Variants in AGTPBP1 observed in about 807,000 individuals in gnomAD.
AGTPBP1 encodes the protein cytosolic carboxypeptidase 1.
A neutral mutation model predicts 143.9 loss-of-function variants in AGTPBP1; 70 were observed. The ratio of observed to expected loss-of-function variants is 0.49; its 90% CI spans 0.40 to 0.59. The LOEUF (loss-of-function observed/expected upper bound fraction) is 0.59, where lower values mean the gene tolerates loss of function less well. Among genes scored for constraint, AGTPBP1 ranks in the 20% least tolerant of loss-of-function variants. AGTPBP1 has a pLI of 0.00. For missense variants in AGTPBP1, 1,229 were observed against 1,464.5 expected, an observed-to-expected ratio of 0.84 and a Z score of 2.62; for synonymous variants, 463 against 500.2, an observed-to-expected ratio of 0.93 and a Z score of 0.99.
At chr9:85,773,868 C>G in the AGTPBP1 span, 5 of 1,605,316 alleles carry the variant, frequency 3.1e-6, no homozygotes, top group Non-Finnish European at 4.2e-6. Flanking sequence ...TGAACGGAAA[C>G]AACAATTATA....
chr9:85,618,994 T>C lies in AGTPBP1; in HGVS notation c.2324A>G (p.Gln775Arg). 1 of 1,612,216 alleles carries C rather than the reference T, an allele frequency of 6.2e-7. No homozygotes were observed. The highest frequency in any genetic ancestry group is 8.5e-7 in the Non-Finnish European group (1 of 1,179,394). ...GAAAACTGTCTTACCATAATTAAACTGACTGTTGGACTTTTCACAGTTAAT... is the reference window on the plus strand; with the variant it reads ...GAAAACTGTCTTACCATAATTAAACCGACTGTTGGACTTTTCACAGTTAAT... The part of the protein sequence containing the change: ...NIINCEKSNS[Q>R]FNYGMQPLMY... The change falls in exon 17 of 26, where the codon CAG (glutamine) becomes CGG (arginine). Residue 775 changes from glutamine (Q) to arginine (R), a missense_variant. Physicochemically the swap from Gln to Arg is conservative, Grantham distance 43 (BLOSUM62 1). Coordinates refer to ENST00000357081, the MANE Select transcript of AGTPBP1 (RefSeq NM_001330701.2).
rs1400487508 is a variant in AGTPBP1, at chr9:85,692,632, T to TCCA, written c.157+54_157+56dup. ...ATTAGAAGTTTGAACATTTTTAGCA[T>TCCA]CCACTTTTAAAGAATTAAAAAAGCA... On this transcript the variant is annotated intron_variant, in intron 3 of 25. Coordinates refer to ENST00000357081, the MANE Select transcript of AGTPBP1 (RefSeq NM_001330701.2). 5.7e-5 allele frequency: 90 copies of TCCA among 1,571,322 alleles called. 2 individuals carry two copies. The South Asian group carries it at 7.5e-4, about 13-fold the overall frequency.
the AGTPBP1 span, among the ~76,000 whole-genome samples, chr9:85,778,908 C>T: frequency 6.6e-6 from 1 of 152,140 alleles, no homozygotes; most frequent in Non-Finnish European, 1.5e-5. Context: ...AACTCCTTGC[C>T]TCTCACGAGC....
chr9:85,729,343 C>T (rs1202595447), intron 1 of AGTPBP1, among the ~76,000 whole-genome samples: 3 of 152,108 alleles, frequency 2.0e-5, no homozygotes, highest in Admixed American at 6.5e-5. Flanking sequence ...GTTCAATATA[C>T]GCTACAACAT....
the AGTPBP1 span, chr9:85,792,064 T>C: frequency 2.6e-5 from 4 of 151,034 alleles, no homozygotes; most frequent in South Asian, 6.2e-4. Context: ...AAAACAATGA[T>C]ATCTCAACTA....
intron 8 of AGTPBP1, among the ~76,000 whole-genome samples, chr9:85,664,560 T>C (rs1382304235): frequency 1.3e-5 from 2 of 152,158 alleles, no homozygotes; most frequent in Non-Finnish European, 2.9e-5. Context: ...ACTGTACACT[T>C]TGAATATACA....
At chr9:85,595,920 C>T (rs1461825136) in intron 18 of AGTPBP1, among the ~76,000 whole-genome samples, 1 of 152,116 alleles carries the variant, frequency 6.6e-6, no homozygotes, top group East Asian at 1.9e-4. Context: ...TGGAACACAT[C>T]TCCAGTTAAC....
intron 17 of AGTPBP1, among the ~76,000 whole-genome samples, chr9:85,600,657 C>T (rs1428088076): frequency 6.6e-6 from 1 of 152,058 alleles, no homozygotes; most frequent in Admixed American, 6.5e-5. Flanking sequence ...AGGGGGGAGC[C>T]CTCCATCCTC....
At chr9:85,739,807 A>G (rs994923318) in intron 1 of AGTPBP1, among the ~76,000 whole-genome samples, 2 of 151,770 alleles carry the variant, frequency 1.3e-5, no homozygotes, top group African/African-American at 4.8e-5. Context: ...TGAGGTTGGG[A>G]GTTCGATACC....
At chr9:85,592,844 A>T (rs1829059394) in intron 18 of AGTPBP1, 140 bp from the exon 19 acceptor site, 1 of 948,518 alleles carries the variant, frequency 1.1e-6, no homozygotes, top group East Asian at 2.5e-5. Context: ...CCTATTTTAA[A>T]AAAACTTAGT....
At chr9:85,599,711 A>G (rs927987758) in intron 17 of AGTPBP1, among the ~76,000 whole-genome samples, 3 of 152,190 alleles carry the variant, frequency 2.0e-5, no homozygotes, top group African/African-American at 7.2e-5. Context: ...TTTGAGACAG[A>G]CCTTCACTCT....
intron 23 of AGTPBP1, among the ~76,000 whole-genome samples, chr9:85,582,634 C>T (rs541537703): frequency 2.6e-5 from 4 of 151,812 alleles, no homozygotes; most frequent in South Asian, 2.1e-4. Context: ...GAGCCGAGAT[C>T]GTGCCACTAC....
chr9:85,779,480 G>A, the AGTPBP1 span, among the ~76,000 whole-genome samples: 2 of 152,020 alleles, frequency 1.3e-5, no homozygotes, highest in Non-Finnish European at 2.9e-5. Context: ...GGCTAGGTCA[G>A]TCTCGCCTTT....
At chr9:85,706,978 A>G (rs1485405256) in intron 2 of AGTPBP1, among the ~76,000 whole-genome samples, 2 of 152,166 alleles carry the variant, frequency 1.3e-5, no homozygotes, top group East Asian at 3.8e-4. Context: ...TGTTGCCTAC[A>G]AGAAATGTGC....
rs748306172 is a variant in AGTPBP1 at position 85,677,539 on chromosome 9, T to C, written c.333A>G (p.Ser111=). The change falls in exon 6 of 26, where the codon TCA becomes TCG. Residue 111 remains serine (S), a synonymous_variant. Transcript: ENST00000357081. ...TCATAAGTAACTGCAACAATATTTG[T>C]GAACCACCTTTGGTGACTAAGAAAC... ...RVSFLVTKGG[S]QILLQLLMNA... is the part of the protein sequence containing the mutation. The C allele has an allele frequency of 1.4e-5, 23 of 1,598,824 alleles. No homozygotes were observed. In the African/African-American group the frequency reaches 2.8e-4, roughly 20 times the overall value.
intron 17 of AGTPBP1, among the ~76,000 whole-genome samples, chr9:85,617,820 C>A (rs1171255288): frequency 2.0e-5 from 3 of 152,122 alleles, no homozygotes; most frequent in African/African-American, 7.2e-5. Flanking sequence ...TAAGAGAATA[C>A]CACAAACAAC....
chr9:85,752,252 T>G, the AGTPBP1 span, among the ~76,000 whole-genome samples: 7 of 151,460 alleles, frequency 4.6e-5, no homozygotes, highest in Non-Finnish European at 1.0e-4. Context: ...AAAAAAGATG[T>G]GGATGGAAAC....
At chr9:85,669,007 G>GTA (rs1491408325) in intron 8 of AGTPBP1, among the ~76,000 whole-genome samples, 1 of 61,886 alleles carries the variant, frequency 1.6e-5, no homozygotes, top group Non-Finnish European at 3.2e-5. Context: ...GTGTGTGTGT[G>GTA]TATACATACA....
intron 17 of AGTPBP1, among the ~76,000 whole-genome samples, chr9:85,604,318 T>C (rs1282675211): frequency 6.6e-6 from 1 of 152,212 alleles, no homozygotes; most frequent in East Asian, 1.9e-4. Context: ...AACAAGAGCC[T>C]CTGCCTGATA....
Sources: gnomAD v4.1 joint callset for allele counts (sites outside exome capture counted in the v4.1 genomes callset) on GRCh38, gnomAD v4.1.1 for gene constraint, MANE v1.5 for transcripts, NCBI Gene and HGNC (gene_info 2026-07-23, HGNC 2026-07-21) for gene names.